Variants in ELMO1 observed in about 807,000 individuals in gnomAD.
ELMO1 encodes engulfment and cell motility 1, also known as engulfment and cell motility protein 1.
In ELMO1, 26 loss-of-function variants were observed where a neutral mutation model predicts 98.9. The observed-to-expected ratio is 0.26, with a 90% confidence interval of 0.19 to 0.36. The LOEUF is 0.36. Among genes scored for constraint, ELMO1 ranks in the 10% least tolerant of loss-of-function variants. The pLI is 1.00. For synonymous variants in ELMO1, 346 were observed against 346.0 expected, an observed-to-expected ratio of 1.00 and a Z score of 0.00; for missense variants, 627 against 935.2, an observed-to-expected ratio of 0.67 and a Z score of 4.30.
At chr7:37,244,057 A>G (rs1476347528) in intron 7 of ELMO1, among the ~76,000 whole-genome samples, 1 of 152,186 alleles carries the variant, frequency 6.6e-6, no homozygotes, top group Non-Finnish European at 1.5e-5. Flanking sequence ...AAAATAATAC[A>G]TAAAATTATG....
At chr7:37,193,534 C>A (rs945748323) in intron 13 of ELMO1, among the ~76,000 whole-genome samples, 1 of 152,156 alleles carries the variant, frequency 6.6e-6, no homozygotes, top group Non-Finnish European at 1.5e-5. Context: ...GCTGGAGTCA[C>A]CACTCGGGGG....
chr7:37,223,427 C>A (rs1049228617), intron 9 of ELMO1, among the ~76,000 whole-genome samples: 2 of 152,120 alleles, frequency 1.3e-5, no homozygotes, highest in African/African-American at 4.8e-5. Flanking sequence ...CTGGCTGAGA[C>A]CTTGGACAAG....
At chr7:36,912,566 T>C (rs1784413455) in intron 16 of ELMO1, among the ~76,000 whole-genome samples, 2 of 152,278 alleles carry the variant, frequency 1.3e-5, no homozygotes, top group African/African-American at 4.8e-5. Context: ...CCCCTTAGGA[T>C]GTTTCAGGTA....
chr7:37,121,370 A>G (rs1426574892), intron 14 of ELMO1, among the ~76,000 whole-genome samples: 1 of 152,074 alleles, frequency 6.6e-6, no homozygotes, highest in Non-Finnish European at 1.5e-5. Context: ...GAAGTTAAAA[A>G]CCTCAAAAAA....
intron 15 of ELMO1, among the ~76,000 whole-genome samples, chr7:37,092,255 T>C (rs1784135532): frequency 6.6e-6 from 1 of 151,840 alleles, no homozygotes; most frequent in Non-Finnish European, 1.5e-5. Flanking sequence ...GGGACATTGT[T>C]CCAGGCCCTA....
At chr7:37,208,042 C>T (rs745902906) in intron 13 of ELMO1, among the ~76,000 whole-genome samples, 5 of 152,198 alleles carry the variant, frequency 3.3e-5, no homozygotes, top group Admixed American at 6.5e-5. Context: ...TGGTTTATTA[C>T]CTTTTAATAA....
intron 4 of ELMO1, among the ~76,000 whole-genome samples, chr7:37,303,121 A>G (rs1389657526): frequency 6.6e-6 from 1 of 152,164 alleles, no homozygotes; most frequent in East Asian, 1.9e-4. Context: ...TCGTTATTCC[A>G]TTAAACAAAT....
At chr7:37,330,203 C>A (rs182733732) in intron 2 of ELMO1, among the ~76,000 whole-genome samples, 1 of 152,354 alleles carries the variant, frequency 6.6e-6, no homozygotes, top group East Asian at 1.9e-4. Flanking sequence ...TTGTCTCCAA[C>A]ATTCATTTCC....
chr7:37,259,054 T>C (rs1242882786), intron 6 of ELMO1, 127 bp downstream of exon 6: 2 of 1,138,356 alleles, frequency 1.8e-6, no homozygotes, highest in Non-Finnish European at 2.3e-6. Flanking sequence ...TTAAAAACTA[T>C]TTTTTTCCTG....
intron 4 of ELMO1, among the ~76,000 whole-genome samples, chr7:37,285,087 C>A (rs1261869210): frequency 6.6e-6 from 1 of 152,174 alleles, no homozygotes; most frequent in African/African-American, 2.4e-5. Flanking sequence ...TGCTGCACAG[C>A]CAGCTGGCCA....
intron 13 of ELMO1, among the ~76,000 whole-genome samples, chr7:37,164,234 T>C (rs1789463457): frequency 6.6e-6 from 1 of 152,250 alleles, no homozygotes. Flanking sequence ...ATTCTGGATA[T>C]TAGCCCTTTG....
chr7:36,977,066 G>C (rs1303213587), intron 16 of ELMO1, among the ~76,000 whole-genome samples: 1 of 152,136 alleles, frequency 6.6e-6, no homozygotes, highest in Admixed American at 6.5e-5. Flanking sequence ...TCTATAAAAG[G>C]GGATAAAATG....
At chr7:36,929,769 C>T (rs1346831357) in intron 16 of ELMO1, among the ~76,000 whole-genome samples, 2 of 152,190 alleles carry the variant, frequency 1.3e-5, no homozygotes, top group African/African-American at 4.8e-5. Context: ...ATGGTCAAAT[C>T]TATTGTACTG....
Position 37,369,183 on chromosome 7 carries a change from A to G in ELMO1, c.-73-26420T>C, listed in dbSNP as rs541027333. On this transcript the variant is annotated intron_variant, in intron 1 of 21. Transcript: ENST00000310758. ...ACTTTCACTCATATGGAAGCTTGATATGTGCCAAAAGTGACAGTGCAGACC... is the reference window on the plus strand; with the variant it reads ...ACTTTCACTCATATGGAAGCTTGATGTGTGCCAAAAGTGACAGTGCAGACC... Among the ~76,000 whole-genome samples, 460 of 152,304 alleles carry G rather than the reference A, an allele frequency of 3.0e-3. 2 individuals are homozygous for G. The highest frequency in any genetic ancestry group is 3.9e-3 in the Non-Finnish European group (268 of 68,018).
intron 4 of ELMO1, among the ~76,000 whole-genome samples, chr7:37,303,635 G>A (rs1798459238): frequency 6.6e-6 from 1 of 152,098 alleles, no homozygotes; most frequent in Admixed American, 6.5e-5. Flanking sequence ...AAAGTGTTCT[G>A]GTGTTTTTAG....
intron 2 of ELMO1, among the ~76,000 whole-genome samples, chr7:37,319,237 G>A (rs879545980): frequency 2.5e-4 from 38 of 152,052 alleles, no homozygotes; most frequent in Non-Finnish European, 4.6e-4. Context: ...TCTACCCAAC[G>A]GTAGCACACA....
chr7:37,130,743 A>G (rs1026536757), intron 14 of ELMO1, among the ~76,000 whole-genome samples: 2 of 140,456 alleles, frequency 1.4e-5, no homozygotes, highest in African/African-American at 3.1e-5. Flanking sequence ...ATATTTGTGC[A>G]TATATACATG....
intron 15 of ELMO1, among the ~76,000 whole-genome samples, chr7:37,037,411 C>A (rs1428434445): frequency 6.6e-6 from 1 of 152,170 alleles, no homozygotes; most frequent in Non-Finnish European, 1.5e-5. Context: ...TGGGTTCCAG[C>A]CAACTCTGTC....
At chr7:37,186,147 G>A (rs1489702024) in intron 13 of ELMO1, among the ~76,000 whole-genome samples, 1 of 152,178 alleles carries the variant, frequency 6.6e-6, no homozygotes, top group Non-Finnish European at 1.5e-5. Flanking sequence ...TAAGAATCCA[G>A]AAATAAGCCT....
Sources: gnomAD v4.1 joint callset for allele counts (sites outside exome capture counted in the v4.1 genomes callset) on GRCh38, gnomAD v4.1.1 for gene constraint, MANE v1.5 for transcripts, NCBI Gene and HGNC (gene_info 2026-07-23, HGNC 2026-07-21) for gene names.